The following SYTL2 variants were observed in gnomAD, a reference collection of about 807,000 sequenced individuals.
SYTL2 encodes the protein synaptotagmin-like protein 2.
SYTL2 carries 165 observed loss-of-function variants against 198.7 expected under a neutral mutation model. The ratio of observed to expected loss-of-function variants is 0.83; its 90% CI spans 0.73 to 0.94. The LOEUF (loss-of-function observed/expected upper bound fraction) is 0.94, where lower values mean the gene tolerates loss of function less well. Among genes scored for constraint, SYTL2 ranks in the 40% least tolerant of loss-of-function variants. SYTL2 has a pLI of 0.00. For missense variants in SYTL2, 2,835 were observed against 2,582.8 expected (o/e 1.10, Z -2.12); for synonymous variants, 966 against 917.7 (o/e 1.05, Z -0.95).
intron 1 of SYTL2, among the ~76,000 whole-genome samples, chr11:85,773,638 A>G (rs982565896): frequency 6.8e-6 from 1 of 146,354 alleles, no homozygotes; most frequent in Non-Finnish European, 1.5e-5. Flanking sequence ...TATTTCCAAC[A>G]CCTGACCTGT....
chr11:85,821,804 G>A, the SYTL2 span, among the ~76,000 whole-genome samples: 1 of 152,182 alleles, frequency 6.6e-6, no homozygotes, highest in African/African-American at 2.4e-5. Context: ...ATACACATGA[G>A]CATGTGGCAG....
Position 85,782,832 on chromosome 11 carries a change from C to G in SYTL2, c.-389-24718G>C, listed in dbSNP as rs562819661. On this transcript the variant is annotated intron_variant, in intron 1 of 19. Coordinates refer to ENST00000359152, the MANE Select transcript of SYTL2 (RefSeq NM_206927.4). ...GCATGATGAGCTTTGCTCCAGTTCC[C>G]AACAAGTTCTTCATCTCCATCTGAG... 1.4e-4 allele frequency among the ~76,000 whole-genome samples: 22 copies of G among 152,350 alleles called. No homozygotes were observed. The South Asian group carries it at 4.6e-3, about 32-fold the overall frequency.
intron 7 of SYTL2, among the ~76,000 whole-genome samples, chr11:85,731,763 T>A (rs596029): frequency 2.6e-5 from 4 of 151,636 alleles, no homozygotes; most frequent in African/African-American, 9.7e-5. Flanking sequence ...AGCTTCTTCA[T>A]AGCAAAAGAA....
intron 8 of SYTL2, among the ~76,000 whole-genome samples, chr11:85,723,492 C>T (rs1043392638): frequency 6.6e-6 from 1 of 152,218 alleles, no homozygotes; most frequent in South Asian, 2.1e-4. Context: ...TAAGATATTG[C>T]TCCCGAATGG....
chr11:85,850,002 C>T, the SYTL2 span, among the ~76,000 whole-genome samples: 2 of 146,858 alleles, frequency 1.4e-5, no homozygotes, highest in African/African-American at 5.0e-5. Flanking sequence ...AGGTCCTTCA[C>T]ATCCCTTGTA....
the SYTL2 span, among the ~76,000 whole-genome samples, chr11:85,846,939 G>A: frequency 6.6e-6 from 1 of 152,020 alleles, no homozygotes; most frequent in Non-Finnish European, 1.5e-5. Flanking sequence ...TCACTATGTT[G>A]GTCAGGCTGG....
At chr11:85,835,300 C>A in the SYTL2 span, among the ~76,000 whole-genome samples, 1 of 152,206 alleles carries the variant, frequency 6.6e-6, no homozygotes, top group African/African-American at 2.4e-5. Context: ...AAATTAATTT[C>A]TCGTTATGGT....
chr11:85,798,273 T>C (rs1404196601), intron 1 of SYTL2, among the ~76,000 whole-genome samples: 1 of 152,184 alleles, frequency 6.6e-6, no homozygotes, highest in Non-Finnish European at 1.5e-5. Context: ...ATTTTAAAGC[T>C]TGACACTTAT....
At chr11:85,695,420 T>C (rs1197448672) in intron 19 of SYTL2, 80 bp from the exon 20 acceptor site, 2 of 1,220,132 alleles carry the variant, frequency 1.6e-6, no homozygotes, top group East Asian at 2.5e-5. Context: ...TCCCTAATTA[T>C]AACCACCAGT....
chr11:85,766,186 G>A (rs755736250), intron 1 of SYTL2, among the ~76,000 whole-genome samples: 15 of 152,162 alleles, frequency 9.9e-5, no homozygotes, highest in Non-Finnish European at 1.5e-4. Flanking sequence ...ACCAAGGTTG[G>A]ACCCCAAGAG....
intron 16 of SYTL2, among the ~76,000 whole-genome samples, chr11:85,703,345 G>C (rs1024315084): frequency 4.6e-5 from 7 of 152,202 alleles, no homozygotes; most frequent in Non-Finnish European, 8.8e-5. Flanking sequence ...GCTCATTATA[G>C]TACAATTGCT....
At chr11:85,750,983 G>T (rs1388871696) in intron 2 of SYTL2, among the ~76,000 whole-genome samples, 1 of 152,038 alleles carries the variant, frequency 6.6e-6, no homozygotes, top group East Asian at 1.9e-4. Flanking sequence ...GGGGATTCTT[G>T]TGCAACCCTT....
chr11:85,724,922 A>C lies in SYTL2; in HGVS notation c.4436T>G (p.Val1479Gly). Residue 1479 changes from valine (V) to glycine (G), a missense_variant, in exon 8 of 20, where the codon GTG becomes GGG. This residue lies in a region of SYTL2 where 2,645 missense variants were observed against 2,381.7 expected (regional missense o/e 1.11). Coordinates refer to ENST00000359152, the MANE Select transcript of SYTL2 (RefSeq NM_206927.4). Reference protein sequence around the residue: ...AQYGKGLPQEVEEIVRETIVQ... With the variant: ...AQYGKGLPQEGEEIVRETIVQ... Reference sequence around the variant, plus strand: ...AATTGTTTCCCTCACAATTTCTTCCACTTCCTGAGGGAGGCCTTTGCCATA... The same window carrying C: ...AATTGTTTCCCTCACAATTTCTTCCCCTTCCTGAGGGAGGCCTTTGCCATA... 1 of 1,614,124 alleles carries C rather than the reference A, an allele frequency of 6.2e-7. No individual in the cohort carries two copies. Among genetic ancestry groups the C allele is most frequent in the Non-Finnish European group, 8.5e-7 (1 of 1,180,016 alleles).
intron 1 of SYTL2, among the ~76,000 whole-genome samples, chr11:85,800,998 T>G (rs1434026676): frequency 6.6e-6 from 1 of 152,196 alleles, no homozygotes; most frequent in Non-Finnish European, 1.5e-5. Context: ...CCGGAAAACA[T>G]AAACACAGGG....
intron 3 of SYTL2, among the ~76,000 whole-genome samples, chr11:85,747,536 T>G (rs181135124): frequency 6.6e-6 from 1 of 152,312 alleles, no homozygotes; most frequent in Admixed American, 6.5e-5. Context: ...TTGGCATTTT[T>G]ATTTCCCCCC....
intron 1 of SYTL2, among the ~76,000 whole-genome samples, chr11:85,766,596 G>A (rs771266417): frequency 2.0e-5 from 3 of 152,162 alleles, no homozygotes; most frequent in African/African-American, 4.8e-5. Context: ...ATACCAGAGA[G>A]AAACTTCCTC....
rs1446512260 is a variant in SYTL2, at chr11:85,694,451, G to T, written c.*744C>A. On this transcript the variant is annotated 3_prime_UTR_variant, in exon 20 of 20. Coordinates refer to ENST00000359152, the MANE Select transcript of SYTL2 (RefSeq NM_206927.4). ...CTGCTTTCATATAGTAAAGTTATAA[G>T]AAAAACAATCATATATATGCAGGGT... 2 of 152,068 alleles carry T rather than the reference G, an allele frequency of 1.3e-5. No homozygotes were observed. Among genetic ancestry groups the T allele is most frequent in the African/African-American group, 4.8e-5 (2 of 41,402 alleles). The allele number at this position is 152,068 out of a possible 1,614,324, so 9.4% of individuals were successfully genotyped here. A position where few individuals can be genotyped will look rare whatever the true frequency, so the allele number is the denominator to read the frequency against.
chr11:85,750,240 C>G (rs1029491197), intron 2 of SYTL2, among the ~76,000 whole-genome samples: 11 of 152,154 alleles, frequency 7.2e-5, no homozygotes, highest in Non-Finnish European at 1.3e-4. Context: ...TTTTAAGGAT[C>G]AGGGAAAATA....
the SYTL2 span, among the ~76,000 whole-genome samples, chr11:85,829,133 G>A: frequency 6.6e-6 from 1 of 151,986 alleles, no homozygotes; most frequent in Non-Finnish European, 1.5e-5. Flanking sequence ...TTTGTTATGG[G>A]GGTATATTAT....
Sources: allele counts gnomAD v4.1 joint callset (sites outside exome capture counted in the v4.1 genomes callset), GRCh38; gene constraint gnomAD v4.1.1; regional missense constraint gnomAD v4.1.1; transcripts MANE v1.5; gene names NCBI Gene and HGNC (gene_info 2026-07-23, HGNC 2026-07-21).